Variants in HIVEP1 observed in about 807,000 individuals in gnomAD.
HIVEP1 encodes zinc finger protein 40.
In HIVEP1, 36 loss-of-function variants were observed where a neutral mutation model predicts 180.0. The ratio of observed to expected loss-of-function variants is 0.20; its 90% CI spans 0.15 to 0.26. The LOEUF (loss-of-function observed/expected upper bound fraction) is 0.26. Ranked by LOEUF, HIVEP1 falls within the 10% of genes least tolerant of loss-of-function variation. HIVEP1 has a pLI of 1.00. For missense variants in HIVEP1, 3,143 were observed against 3,268.7 expected (o/e 0.96, Z 0.94); for synonymous variants, 1,239 against 1,239.0 (o/e 1.00, Z 0.00).
chr6:12,054,411 T>A (rs1770730187), intron 2 of HIVEP1, among the ~76,000 whole-genome samples: 1 of 152,254 alleles, frequency 6.6e-6, no homozygotes, highest in Non-Finnish European at 1.5e-5. Context: ...TTCATTTATA[T>A]GTATACATAT....
At chr6:12,076,371 T>G (rs1490269745) in intron 2 of HIVEP1, among the ~76,000 whole-genome samples, 3 of 152,002 alleles carry the variant, frequency 2.0e-5, no homozygotes, top group Non-Finnish European at 4.4e-5. Flanking sequence ...TCAGATAAAA[T>G]TACTTTGAAA....
chr6:12,068,189 C>T (rs910276136), intron 2 of HIVEP1, among the ~76,000 whole-genome samples: 1 of 152,110 alleles, frequency 6.6e-6, no homozygotes, highest in South Asian at 2.1e-4. Context: ...CTCCTGGGTT[C>T]AAGTGATTCT....
intron 2 of HIVEP1, among the ~76,000 whole-genome samples, chr6:12,061,617 T>TATTTTA (rs1204085464): frequency 5.3e-4 from 81 of 152,332 alleles, no homozygotes; most frequent in African/African-American, 1.9e-3. Context: ...ATTTTGATCA[T>TATTTTA]TGTTATAGTA....
intron 7 of HIVEP1, among the ~76,000 whole-genome samples, chr6:12,153,079 G>T (rs937533543): frequency 1.3e-5 from 2 of 152,026 alleles, no homozygotes; most frequent in African/African-American, 4.8e-5. Context: ...TTTATATAAT[G>T]CAGTATATTT....
the HIVEP1 span, among the ~76,000 whole-genome samples, chr6:12,204,547 C>T: frequency 6.6e-6 from 1 of 152,180 alleles, no homozygotes; most frequent in Non-Finnish European, 1.5e-5. Flanking sequence ...TTTTTAACCT[C>T]ATTCTGTGCT....
chr6:12,164,562 A>G lies in HIVEP1; in HGVS notation c.*101A>G. ...CACATTTTTCTGACATAAACTCATG[A>G]CTAATCTTTGTGCAATCATGAACTT... On this transcript the variant is annotated 3_prime_UTR_variant, in exon 9 of 9. Transcript: ENST00000379388. 1 of 901,792 alleles carries G rather than the reference A, an allele frequency of 1.1e-6. No homozygotes were observed. The highest frequency in any genetic ancestry group is 1.6e-6 in the Non-Finnish European group (1 of 612,770). The allele number at this position is 901,792 out of a possible 1,614,324, so 55.9% of individuals were successfully genotyped here. A position where few individuals can be genotyped will look rare whatever the true frequency, so the allele number is the denominator to read the frequency against.
intron 7 of HIVEP1, among the ~76,000 whole-genome samples, chr6:12,140,346 C>A (rs1758946677): frequency 6.6e-6 from 1 of 152,142 alleles, no homozygotes; most frequent in Admixed American, 6.5e-5. Context: ...ACACCAAAAC[C>A]CCATTTGATG....
In HIVEP1 at chr6:12,120,110, G is replaced by A; in HGVS notation, c.315G>A (p.Gly105=). 6.2e-7 allele frequency: 1 copy of A among 1,613,310 alleles called. No homozygotes were observed. Among genetic ancestry groups the A allele is most frequent in the South Asian group, 1.1e-5 (1 of 90,900 alleles). The change falls in exon 4 of 9, where the codon GGG becomes GGA. Residue 105 remains glycine, a synonymous_variant. Coordinates refer to ENST00000379388, the MANE Select transcript of HIVEP1 (RefSeq NM_002114.4). The part of the protein sequence containing the change: ...KKQNYIPVKN[G]KQFTKQNGET... Reference sequence around the variant, plus strand: ...AGAATTATATTCCTGTAAAAAATGGGAAGCAGTTTACCAAACAAAATGGAG... The same window carrying A: ...AGAATTATATTCCTGTAAAAAATGGAAAGCAGTTTACCAAACAAAATGGAG...
In HIVEP1 at chr6:12,163,625, C is replaced by G. The variant is rs769175211; in HGVS notation, c.7321C>G (p.His2441Asp). 1 of 1,614,142 alleles carries G rather than the reference C, an allele frequency of 6.2e-7. No individual in the cohort carries two copies. Among genetic ancestry groups the G allele is most frequent in the East Asian group, 2.2e-5 (1 of 44,874 alleles). Reference protein sequence around the residue: ...VSVVHRTLGTHRNTVTEVSGT... With the variant: ...VSVVHRTLGTDRNTVTEVSGT... The stretch of plus-strand genomic sequence containing the variant: ...TGTCGTTCACAGAACTTTGGGTACT[C>G]ATAGGAATACGGTCACAGAAGTGTC... The change falls in exon 9 of 9, where the codon CAT becomes GAT. Residue 2441 changes from histidine to aspartate, a missense_variant. This residue lies in a region of HIVEP1 where 595 missense variants were observed against 602.2 expected (regional missense o/e 0.99). Transcript: ENST00000379388.
intron 3 of HIVEP1, 32 bp from the exon 4 acceptor site, chr6:12,119,858 C>A: frequency 1.4e-6 from 2 of 1,380,134 alleles, no homozygotes; most frequent in South Asian, 1.4e-5. Flanking sequence ...ACAATGTTAC[C>A]AATTGTTTGT....
chr6:12,102,758 T>G (rs978551705), intron 3 of HIVEP1, among the ~76,000 whole-genome samples: 24 of 152,226 alleles, frequency 1.6e-4, no homozygotes, highest in African/African-American at 5.8e-4. Context: ...TATTTGAAGA[T>G]ACAGAAATAA....
At chr6:12,133,849 G>T (rs1005603630) in intron 6 of HIVEP1, among the ~76,000 whole-genome samples, 6 of 152,012 alleles carry the variant, frequency 3.9e-5, no homozygotes, top group Admixed American at 2.6e-4. Context: ...GCAGTGGCAG[G>T]CGCCTGTAAT....
At chr6:12,091,436 C>G (rs1296848868) in intron 3 of HIVEP1, among the ~76,000 whole-genome samples, 3 of 152,054 alleles carry the variant, frequency 2.0e-5, no homozygotes, top group South Asian at 4.1e-4. Flanking sequence ...GAGGCTCTTT[C>G]TCCCTTTCTC....
intron 2 of HIVEP1, among the ~76,000 whole-genome samples, chr6:12,025,615 A>G (rs867344703): frequency 5.3e-5 from 8 of 152,250 alleles, no homozygotes; most frequent in Non-Finnish European, 1.0e-4. Context: ...GAAAACATTA[A>G]AATTCTAAGC....
chr6:12,129,742 C>T lies in HIVEP1; in HGVS notation c.6076-17C>T, dbSNP rs1368780316. The T allele has an allele frequency of 1.9e-6, 3 of 1,584,822 alleles. No individual in the cohort carries two copies. Among genetic ancestry groups the T allele is most frequent in the Non-Finnish European group, 2.6e-6 (3 of 1,154,110 alleles). On this transcript the variant is annotated splice_polypyrimidine_tract_variant and intron_variant, in intron 4 of 8. Transcript: ENST00000379388. ...TTTCAGTTTTATTAAATTAGTTTCTCTCTTTTTTCCTTTCAGAGAGCATTA... is the reference window on the plus strand; with the variant it reads ...TTTCAGTTTTATTAAATTAGTTTCTTTCTTTTTTCCTTTCAGAGAGCATTA...
chr6:12,121,435 T>C lies in HIVEP1; in HGVS notation c.1640T>C (p.Leu547Pro). ...GAAAATGTGATAGGTGACTTTTTGC[T>C]ACAGGACAGATCTGCAGAATCACAA... ...SPENVIGDFLLQDRSAESQAV... is the reference protein window; with the variant it reads ...SPENVIGDFLPQDRSAESQAV... The change falls in exon 4 of 9, where the codon CTA becomes CCA. Residue 547 changes from leucine (L) to proline (P), a missense_variant. Physicochemically the swap from Leu to Pro is moderately conservative, Grantham distance 98. Coordinates refer to ENST00000379388, the MANE Select transcript of HIVEP1 (RefSeq NM_002114.4). This position sits in a 1 kb window ranked among gnomAD's most constrained non-coding sequence, Gnocchi z 5.3. 6.2e-7 allele frequency: 1 copy of C among 1,614,180 alleles called. No individual in the cohort carries two copies. Among genetic ancestry groups the C allele is most frequent in the Non-Finnish European group, 8.5e-7 (1 of 1,180,024 alleles).
At position 12,125,649 on chromosome 6, in the gene HIVEP1, T is replaced by C. The variant is rs1297752147; in HGVS notation, c.5854T>C (p.Ser1952Pro). Residue 1952 changes from serine to proline, a missense_variant, in exon 4 of 9, where the codon TCG becomes CCG. Physicochemically the swap from Ser to Pro is moderately conservative, Grantham distance 74 (BLOSUM62 -1). Around this residue, in one of 12 missense-constraint regions of HIVEP1, gnomAD observed 1,357 missense variants for 1,260.5 expected, o/e 1.08. Coordinates refer to ENST00000379388, the MANE Select transcript of HIVEP1 (RefSeq NM_002114.4). ...FTWCYLLRQKSLHLPQKDQKT... is the reference protein window; with the variant it reads ...FTWCYLLRQKPLHLPQKDQKT... The stretch of plus-strand genomic sequence containing the variant: ...ATGGTGTTATCTCTTAAGGCAGAAG[T>C]CGTTGCATTTGCCTCAGAAGGACCA... 1 of 1,614,158 alleles carries C rather than the reference T, an allele frequency of 6.2e-7. No individual in the cohort carries two copies. Among genetic ancestry groups the C allele is most frequent in the Non-Finnish European group, 8.5e-7 (1 of 1,180,004 alleles).
chr6:12,009,365 G>A (rs921878563), upstream of HIVEP1, among the ~76,000 whole-genome samples: 172 of 152,296 alleles, frequency 1.1e-3, no homozygotes, highest in African/African-American at 4.0e-3. Flanking sequence ...GCTTTTCAGT[G>A]ACACTATCCT....
At chr6:12,191,945 GAAA>G in the HIVEP1 span, among the ~76,000 whole-genome samples, 1 of 152,192 alleles carries the variant, frequency 6.6e-6, no homozygotes, top group Non-Finnish European at 1.5e-5. Flanking sequence ...ACTGAGGCCA[GAAA>G]ACATGATAAA....
Sources: allele counts gnomAD v4.1 joint callset (sites outside exome capture counted in the v4.1 genomes callset), GRCh38; gene constraint gnomAD v4.1.1; regional missense constraint gnomAD v4.1.1; non-coding constraint Gnocchi (gnomAD v3.1); transcripts MANE v1.5; gene names NCBI Gene and HGNC (gene_info 2026-07-23, HGNC 2026-07-21).